Variants in USH2A observed in about 807,000 individuals in gnomAD.
USH2A encodes Usher syndrome 2A (autosomal recessive, mild).
A neutral mutation model predicts 538.9 loss-of-function variants in USH2A; 443 were observed. The observed-to-expected ratio is 0.82, with a 90% confidence interval of 0.76 to 0.89. USH2A has a LOEUF of 0.89. Among genes scored for constraint, USH2A ranks in the 40% least tolerant of loss-of-function variants. The pLI is 0.00. For missense variants in USH2A, 6,633 were observed against 6,324.8 expected (o/e 1.05, Z -1.65); for synonymous variants, 2,413 against 2,273.5 (o/e 1.06, Z -1.75).
rs569154725 is a variant in USH2A, at chr1:215,625,671, T to C, written c.*110A>G. The C allele has an allele frequency of 6.1e-5, 60 of 982,384 alleles. No homozygotes were observed. Among genetic ancestry groups the C allele is most frequent in the African/African-American group, 5.3e-4 (33 of 62,320 alleles). The allele number at this position is 982,384 out of a possible 1,614,324, so 60.9% of individuals were successfully genotyped here. ...CAGTCATCATTTCTTTAAAGAATTA[T>C]AGGATAATAAACAATGGCTTTTCAG... On this transcript the variant is annotated 3_prime_UTR_variant, in exon 72 of 72. Transcript: ENST00000307340.
intron 41 of USH2A, among the ~76,000 whole-genome samples, chr1:215,887,121 T>A (rs986508794): frequency 6.6e-6 from 1 of 152,218 alleles, no homozygotes; most frequent in African/African-American, 2.4e-5. Flanking sequence ...CCTCCCAAAG[T>A]ACTGGGATTA....
chr1:215,981,458 A>T (rs1179101975), intron 35 of USH2A, among the ~76,000 whole-genome samples: 2 of 152,086 alleles, frequency 1.3e-5, no homozygotes, highest in Non-Finnish European at 2.9e-5. Flanking sequence ...AATACTACTC[A>T]CTGTAAAGTC....
chr1:215,813,445 G>A (rs1662759466), intron 49 of USH2A, among the ~76,000 whole-genome samples: 3 of 152,110 alleles, frequency 2.0e-5, no homozygotes. Context: ...ATATAGTCAT[G>A]TTAATAAAAA....
At chr1:216,406,886 C>A (rs1339933519) in intron 3 of USH2A, among the ~76,000 whole-genome samples, 2 of 152,108 alleles carry the variant, frequency 1.3e-5, no homozygotes, top group Non-Finnish European at 2.9e-5. Context: ...GGGTTTATAT[C>A]CCAGACAAAA....
intron 11 of USH2A, 75 bp from the exon 12 acceptor site, chr1:216,251,173 AG>A (rs2102552189): frequency 1.4e-6 from 2 of 1,432,858 alleles, no homozygotes; most frequent in African/African-American, 2.8e-5. Flanking sequence ...GGTACAAGAC[AG>A]GGAGGGAGGG....
At chr1:215,630,116 C>G (rs1656215367) in intron 70 of USH2A, 1 of 516,952 alleles carries the variant, frequency 1.9e-6, no homozygotes, top group South Asian at 1.4e-5. Context: ...CATCAATGAT[C>G]TGTTCCTGCT....
Position 216,263,092 on chromosome 1 carries a change from C to T in USH2A, c.1972-11994G>A, listed in dbSNP as rs1366383441. Among the ~76,000 whole-genome samples the T allele has an allele frequency of 2.0e-5, 3 of 152,194 alleles. No homozygotes were observed. The East Asian group carries it at 5.8e-4, about 29-fold the overall frequency. Reference sequence around the variant, plus strand: ...AATTGAACCAAGGAGGAATAGAACACTGAACAGAACACTCACAAGTAATGA... The same window carrying T: ...AATTGAACCAAGGAGGAATAGAACATTGAACAGAACACTCACAAGTAATGA... On this transcript the variant is annotated intron_variant, in intron 11 of 71. Transcript: ENST00000307340.
At chr1:215,880,971 T>C (rs1384940488) in intron 41 of USH2A, among the ~76,000 whole-genome samples, 2 of 152,116 alleles carry the variant, frequency 1.3e-5, no homozygotes, top group Non-Finnish European at 2.9e-5. Context: ...CTGGGTGTGG[T>C]AGCAGGTGCC....
At chr1:216,291,010 C>T (rs546524704) in intron 10 of USH2A, among the ~76,000 whole-genome samples, 83 of 152,246 alleles carry the variant, frequency 5.5e-4, no homozygotes, top group African/African-American at 1.9e-3. Context: ...TATTGCAGCA[C>T]CTCACTAACT....
Position 215,671,154 on chromosome 1 carries a change from G to T in USH2A, c.13951C>A (p.Pro4651Thr). Reference sequence around the variant, plus strand: ...CCTGTCCACAAAAGAGAAACAGTTGGCTGGAATCCTCCTGGAGCCATTTGT... The same window carrying T: ...CCTGTCCACAAAAGAGAAACAGTTGTCTGGAATCCTCCTGGAGCCATTTGT... ...EVQMAPGGFQ[P>T]TVSLLWTGPL... The change falls in exon 64 of 72, where the codon CCA (proline) becomes ACA (threonine). Residue 4651 changes from proline to threonine, a missense_variant. Transcript: ENST00000307340. 2 of 1,614,090 alleles carry T rather than the reference G, an allele frequency of 1.2e-6. No homozygotes were observed. Among genetic ancestry groups the T allele is most frequent in the South Asian group, 1.1e-5 (1 of 91,070 alleles).
At chr1:216,347,519 G>A (rs1007378730) in intron 4 of USH2A, among the ~76,000 whole-genome samples, 1 of 151,982 alleles carries the variant, frequency 6.6e-6, no homozygotes, top group South Asian at 2.1e-4. Context: ...CAGGTTATTT[G>A]GTATAAATAT....
intron 29 of USH2A, among the ~76,000 whole-genome samples, chr1:216,071,855 G>T (rs889119839): frequency 6.6e-6 from 1 of 152,134 alleles, no homozygotes; most frequent in African/African-American, 2.4e-5. Flanking sequence ...AATTTTAAGA[G>T]ATCGTTCAGC....
At position 216,200,128 on chromosome 1, in the gene USH2A, T is replaced by C; in HGVS notation, c.3317-7A>G. 1.3e-6 allele frequency: 2 copies of C among 1,593,720 alleles called. No individual in the cohort carries two copies. Among genetic ancestry groups the C allele is most frequent in the East Asian group, 2.2e-5 (1 of 44,602 alleles). ...TCTAAGAAGTATTGAATACCTGAAA[T>C]GAAAAGAAAAAAAAAAAACAAAGTT... is the stretch of plus-strand genomic sequence containing the variant. On this transcript the variant is annotated splice_polypyrimidine_tract_variant and splice_region_variant and intron_variant, in intron 16 of 71. Coordinates refer to ENST00000307340, the MANE Select transcript of USH2A (RefSeq NM_206933.4).
At chr1:216,332,000 T>C (rs1558041600) in intron 4 of USH2A, among the ~76,000 whole-genome samples, 1 of 152,126 alleles carries the variant, frequency 6.6e-6, no homozygotes, top group Non-Finnish European at 1.5e-5. Flanking sequence ...AATGACTGAA[T>C]ATTGGTAAGA....
chr1:216,023,717 C>A (rs1668899272), intron 32 of USH2A, among the ~76,000 whole-genome samples: 1 of 151,862 alleles, frequency 6.6e-6, no homozygotes, highest in Non-Finnish European at 1.5e-5. Context: ...CATTTAGATA[C>A]AAGTCATTTA....
At chr1:216,022,094 T>C (rs1456424412) in intron 32 of USH2A, among the ~76,000 whole-genome samples, 1 of 152,122 alleles carries the variant, frequency 6.6e-6, no homozygotes, top group African/African-American at 2.4e-5. Context: ...CCTTCCACCA[T>C]GAGTAAAAGC....
At position 216,050,599 on chromosome 1, in the gene USH2A, TCTTTC is replaced by T. The variant is rs1371620786; in HGVS notation, c.6050-1957_6050-1953del. Among the ~76,000 whole-genome samples the T allele has an allele frequency of 1.9e-4, 18 of 95,706 alleles. 1 individual carries two copies. The highest frequency in any genetic ancestry group is 7.1e-4 in the African/African-American group (16 of 22,516). 62.8% of individuals were successfully genotyped at this position (95,706 alleles called of 152,430 possible). ...TTCTTTCTTTCTTTCTTTCTTTCTT[TCTTTC>T]TTTTTTTTTTTTTTTTTTGAGACAG... is the stretch of plus-strand genomic sequence containing the variant. On this transcript the variant is annotated intron_variant, in intron 30 of 71. Coordinates refer to ENST00000307340, the MANE Select transcript of USH2A (RefSeq NM_206933.4).
At chr1:216,175,660 T>G (rs1399963777) in intron 20 of USH2A, among the ~76,000 whole-genome samples, 178 bp from the exon 21 acceptor site, 1 of 152,198 alleles carries the variant, frequency 6.6e-6, no homozygotes, top group Non-Finnish European at 1.5e-5. Flanking sequence ...TTATCTTAAA[T>G]GCAGTGAAAC....
chr1:216,319,718 G>A (rs934143984), intron 9 of USH2A, among the ~76,000 whole-genome samples: 7 of 152,194 alleles, frequency 4.6e-5, no homozygotes, highest in Non-Finnish European at 8.8e-5. Context: ...TTTTGAATGT[G>A]CTAGAGAAAG....
Sources: gnomAD v4.1 joint callset for allele counts (sites outside exome capture counted in the v4.1 genomes callset) on GRCh38, gnomAD v4.1.1 for gene constraint, MANE v1.5 for transcripts, NCBI Gene and HGNC (gene_info 2026-07-23, HGNC 2026-07-21) for gene names.